Variants in PIK3AP1 observed in about 807,000 individuals in gnomAD.
PIK3AP1 encodes phosphoinositide-3-kinase adaptor protein 1.
PIK3AP1 carries 21 observed loss-of-function variants against 88.1 expected under a neutral mutation model. The observed-to-expected ratio is 0.24, with a 90% CI of 0.17 to 0.34. The LOEUF (loss-of-function observed/expected upper bound fraction) is 0.34, where lower values mean the gene tolerates loss of function less well. Among genes scored for constraint, PIK3AP1 ranks in the 10% least tolerant of loss-of-function variants. PIK3AP1 has a pLI of 1.00. For missense variants in PIK3AP1, 828 were observed against 1,035.7 expected (o/e 0.80, Z 2.75); for synonymous variants, 398 against 400.0 (o/e 1.00, Z 0.06).
At chr10:96,656,979 A>G (rs1375059751) in intron 2 of PIK3AP1, 45 bp from the exon 3 acceptor site, 4 of 1,604,552 alleles carry the variant, frequency 2.5e-6, no homozygotes, top group Admixed American at 1.7e-5. Flanking sequence ...CAGGAAGGAG[A>G]ACTGTGGACA....
chr10:96,605,257 GCAT>G (rs1366245545), intron 14 of PIK3AP1, among the ~76,000 whole-genome samples: 1 of 152,144 alleles, frequency 6.6e-6, no homozygotes, highest in Admixed American at 6.5e-5. Flanking sequence ...CATTAGATTA[GCAT>G]CATCCAATAG....
chr10:96,695,925 T>C (rs1462172495), intron 2 of PIK3AP1, among the ~76,000 whole-genome samples: 1 of 152,200 alleles, frequency 6.6e-6, no homozygotes, highest in Non-Finnish European at 1.5e-5. Context: ...ATACATGTGC[T>C]GTGTAGGCTC....
intron 16 of PIK3AP1, among the ~76,000 whole-genome samples, chr10:96,601,378 G>T (rs943801316): frequency 1.3e-5 from 2 of 149,308 alleles, no homozygotes; most frequent in Non-Finnish European, 2.9e-5. Flanking sequence ...GAAGGCTGAG[G>T]CAGGAGAATC....
Position 96,656,819 on chromosome 10 carries a change from C to A in PIK3AP1, c.546G>T (p.Gln182His). 1 of 1,614,124 alleles carries A rather than the reference C, an allele frequency of 6.2e-7. No individual in the cohort carries two copies. Among genetic ancestry groups the A allele is most frequent in the Non-Finnish European group, 8.5e-7 (1 of 1,180,036 alleles). ...VTSPGNLMVV[Q>H]PDRIRCGAET... ...CTACCCCACAGCGAATGCGGTCCGG[C>A]TGCACCACCATCAGGTTCCCAGGTG... The change falls in exon 3 of 17, where the codon CAG becomes CAT. Residue 182 changes from glutamine to histidine, a missense_variant. Transcript: ENST00000339364.
chr10:96,696,720 A>G (rs1844226107), intron 2 of PIK3AP1, among the ~76,000 whole-genome samples: 1 of 152,220 alleles, frequency 6.6e-6, no homozygotes, highest in Non-Finnish European at 1.5e-5. Flanking sequence ...CTTCATATCC[A>G]CACAGATAAT....
rs185377464 is a variant in PIK3AP1, at chr10:96,646,968, G to A, written c.1186-1306C>T. 1.4e-4 allele frequency among the ~76,000 whole-genome samples: 21 copies of A among 152,132 alleles called. No homozygotes were observed. In the East Asian group the frequency reaches 3.9e-3, roughly 28 times the overall value. Reference sequence around the variant, plus strand: ...ATTGACACTTCGTTAGTTTCCTCACGAGACCCAATAAAACAGATGACAGCT... The same window carrying A: ...ATTGACACTTCGTTAGTTTCCTCACAAGACCCAATAAAACAGATGACAGCT... On this transcript the variant is annotated intron_variant, in intron 7 of 16. Transcript: ENST00000339364.
In PIK3AP1 at chr10:96,688,524, C is replaced by T. The variant is rs137892069; in HGVS notation, c.430+21043G>A. 4.3e-3 allele frequency among the ~76,000 whole-genome samples: 654 copies of T among 152,256 alleles called. 7 individuals carry two copies. Among genetic ancestry groups the T allele is most frequent in the South Asian group, 0.033 (160 of 4,828 alleles). ...AAAAATATGCACACATTAGGCTGGG[C>T]GCGGTGGCTCACGCCTATAATCCCA... On this transcript the variant is annotated intron_variant, in intron 2 of 16. Transcript: ENST00000339364.
chr10:96,717,475 T>C (rs1269684020), intron 1 of PIK3AP1, among the ~76,000 whole-genome samples: 1 of 152,058 alleles, frequency 6.6e-6, no homozygotes, highest in Non-Finnish European at 1.5e-5. Flanking sequence ...TGGTCAATCA[T>C]ATCAGGAGCT....
intron 2 of PIK3AP1, among the ~76,000 whole-genome samples, chr10:96,700,142 C>T (rs1345562147): frequency 6.6e-6 from 1 of 152,202 alleles, no homozygotes; most frequent in Non-Finnish European, 1.5e-5. Context: ...CCGTGGCTCA[C>T]CAAACACAGT....
chr10:96,701,131 A>C (rs1025184108), intron 2 of PIK3AP1, among the ~76,000 whole-genome samples: 1 of 152,234 alleles, frequency 6.6e-6, no homozygotes, highest in African/African-American at 2.4e-5. Context: ...CCTATTCAGT[A>C]GGTCTGGGGT....
intron 8 of PIK3AP1, among the ~76,000 whole-genome samples, chr10:96,642,485 A>G (rs1003990291): frequency 2.6e-5 from 4 of 151,736 alleles, no homozygotes; most frequent in Non-Finnish European, 4.4e-5. Flanking sequence ...AGAAAGAAAG[A>G]AAGGTAGAAA....
chr10:96,677,663 A>G (rs537501158), intron 2 of PIK3AP1, among the ~76,000 whole-genome samples: 1 of 151,796 alleles, frequency 6.6e-6, no homozygotes, highest in South Asian at 2.1e-4. Context: ...TTTATCTCCA[A>G]CAAACACAGT....
intron 8 of PIK3AP1, among the ~76,000 whole-genome samples, chr10:96,637,090 A>AT (rs902709874): frequency 2.6e-5 from 4 of 152,078 alleles, no homozygotes; most frequent in African/African-American, 9.7e-5. Context: ...GGCCAAAAGA[A>AT]TTTTTTTCTC....
rs889665987 is a variant in PIK3AP1, at chr10:96,666,757, A to G, written c.431-9823T>C. ...CATTTAATCCTCAGAACAACCCTGT[A>G]AAATAGGAATCAATGCTTATTCCCA... On this transcript the variant is annotated intron_variant, in intron 2 of 16. Coordinates refer to ENST00000339364, the MANE Select transcript of PIK3AP1 (RefSeq NM_152309.3). Among the ~76,000 whole-genome samples the G allele has an allele frequency of 2.4e-4, 36 of 152,024 alleles. 1 individual carries two copies. The highest frequency in any genetic ancestry group is 8.7e-4 in the African/African-American group (36 of 41,386).
chr10:96,695,890 C>T (rs916242435), intron 2 of PIK3AP1, among the ~76,000 whole-genome samples: 2 of 152,168 alleles, frequency 1.3e-5, no homozygotes, highest in Non-Finnish European at 2.9e-5. Context: ...GTATCTGGCA[C>T]ATTTTTAAGT....
intron 2 of PIK3AP1, among the ~76,000 whole-genome samples, chr10:96,695,747 TAA>T (rs534261749): frequency 4.2e-5 from 6 of 143,206 alleles, no homozygotes; most frequent in Admixed American, 7.0e-5. Context: ...TGCTCTCCTT[TAA>T]AAAAAAAAAA....
chr10:96,626,829 C>T lies in PIK3AP1; in HGVS notation c.1548G>A (p.Val516=). The change falls in exon 10 of 17, where the codon GTG becomes GTA. Residue 516 remains valine (V), a synonymous_variant. Transcript: ENST00000339364. The part of the protein sequence containing the change: ...LGQEEDVYHT[V]DDDEAFSVDL... ...CCACAGAAAAGGCCTCATCGTCATCCACCGTGTGATAAACATCTTCTTCCT... is the reference window on the plus strand; with the variant it reads ...CCACAGAAAAGGCCTCATCGTCATCTACCGTGTGATAAACATCTTCTTCCT... 4 of 1,614,190 alleles carry T rather than the reference C, an allele frequency of 2.5e-6. No homozygotes were observed. Among genetic ancestry groups the T allele is most frequent in the Non-Finnish European group, 3.4e-6 (4 of 1,179,984 alleles).
intron 2 of PIK3AP1, among the ~76,000 whole-genome samples, chr10:96,664,586 C>T (rs896881973): frequency 6.6e-6 from 1 of 151,974 alleles, no homozygotes; most frequent in African/African-American, 2.4e-5. Context: ...AATCTATTAG[C>T]TAATAATTTT....
At chr10:96,659,579 G>A (rs371281400) in intron 2 of PIK3AP1, among the ~76,000 whole-genome samples, 4 of 151,778 alleles carry the variant, frequency 2.6e-5, no homozygotes, top group East Asian at 1.9e-4. Context: ...AAATCTCAAT[G>A]CAGCCAGGTG....
Sources: allele counts gnomAD v4.1 joint callset (sites outside exome capture counted in the v4.1 genomes callset), GRCh38; gene constraint gnomAD v4.1.1; transcripts MANE v1.5; gene names NCBI Gene and HGNC (gene_info 2026-07-23, HGNC 2026-07-21).